TAF3: variants seen among roughly 807,000 people sequenced by gnomAD.
The protein encoded by TAF3 is TATA-box binding protein associated factor 3.
In TAF3, 7 loss-of-function variants were observed where a neutral mutation model predicts 80.6. That is an observed-to-expected ratio of 0.09 (90% CI 0.05 to 0.16). The LOEUF (loss-of-function observed/expected upper bound fraction) is 0.16, where lower values mean the gene tolerates loss of function less well. Among genes scored for constraint, TAF3 ranks in the 10% least tolerant of loss-of-function variants. The pLI is 1.00. For missense variants in TAF3, 921 were observed against 1,140.2 expected (o/e 0.81, Z 2.77); for synonymous variants, 444 against 446.1 (o/e 1.00, Z 0.06).
Position 8,013,720 on chromosome 10 carries a change from G to T in TAF3, c.2569-11G>T. ...CCTCCATTTTTGCCGCTTCCGCTTTGCAAACATCAGATCCGAGATGAGTGG... is the reference window on the plus strand; with the variant it reads ...CCTCCATTTTTGCCGCTTCCGCTTTTCAAACATCAGATCCGAGATGAGTGG... On this transcript the variant is annotated splice_polypyrimidine_tract_variant and intron_variant, in intron 5 of 6. Coordinates refer to ENST00000344293, the MANE Select transcript of TAF3 (RefSeq NM_031923.4). 2 of 1,610,188 alleles carry T rather than the reference G, an allele frequency of 1.2e-6. No homozygotes were observed. Among genetic ancestry groups the T allele is most frequent in the Admixed American group, 1.7e-5 (1 of 59,704 alleles).
intron 2 of TAF3, among the ~76,000 whole-genome samples, chr10:7,917,633 G>T (rs1444801414): frequency 3.9e-5 from 6 of 152,246 alleles, no homozygotes; most frequent in Admixed American, 2.0e-4. Context: ...GCTCTCTGGA[G>T]AATAGGTCGG....
At chr10:7,893,301 T>A (rs1837475365) in intron 2 of TAF3, among the ~76,000 whole-genome samples, 1 of 152,242 alleles carries the variant, frequency 6.6e-6, no homozygotes, top group Non-Finnish European at 1.5e-5. Context: ...TTACTAATGA[T>A]GAATTAGTAC....
chr10:7,818,916 T>C (rs1386615838), intron 1 of TAF3, 41 bp downstream of exon 1: 1 of 1,365,468 alleles, frequency 7.3e-7, no homozygotes, highest in Non-Finnish European at 9.4e-7. Context: ...CCCCGGCAAG[T>C]CAAGGGTGAC....
chr10:7,871,730 C>T (rs1452931051), intron 2 of TAF3, among the ~76,000 whole-genome samples: 1 of 152,084 alleles, frequency 6.6e-6, no homozygotes, highest in Non-Finnish European at 1.5e-5. Context: ...AGGCGGGAGC[C>T]ACCGCGCCAG....
At chr10:8,007,922 G>GC (rs1832012508) in intron 4 of TAF3, among the ~76,000 whole-genome samples, 2 of 151,750 alleles carry the variant, frequency 1.3e-5, no homozygotes, top group African/African-American at 4.8e-5. Flanking sequence ...AGATGTCCTG[G>GC]CCCCAAGTCC....
intron 2 of TAF3, among the ~76,000 whole-genome samples, chr10:7,854,328 C>G (rs372324720): frequency 7.9e-5 from 12 of 152,226 alleles, no homozygotes; most frequent in East Asian, 7.7e-4. Flanking sequence ...AGCCCCCAAA[C>G]TGCCTACGTA....
chr10:7,826,228 C>T (rs1326071342), intron 2 of TAF3, among the ~76,000 whole-genome samples: 1 of 152,150 alleles, frequency 6.6e-6, no homozygotes, highest in Non-Finnish European at 1.5e-5. Context: ...ATGATACTAA[C>T]ACACCGACAG....
chr10:7,884,392 C>CTTTTTTTTTTTTTTTTTT lies in TAF3; in HGVS notation c.409+59843_409+59844insTTTTTTTTTTTTTTTTTT, dbSNP rs61498355. On this transcript the variant is annotated intron_variant, in intron 2 of 6. Transcript: ENST00000344293. ...CCGTTTCTCCAAAGAGCTCTGCCTC[C>CTTTTTTTTTTTTTTTTTT]TTTTTTTTTTTGAGATGGAGTTTTG... 4.1e-5 allele frequency among the ~76,000 whole-genome samples: 5 copies of CTTTTTTTTTTTTTTTTTT among 120,508 alleles called. 1 individual carries two copies. Among genetic ancestry groups the CTTTTTTTTTTTTTTTTTT allele is most frequent in the Non-Finnish European group, 5.2e-5 (3 of 57,490 alleles). The allele number at this position is 120,508 out of a possible 152,430, so 79.1% of individuals were successfully genotyped here. A position where few individuals can be genotyped will look rare whatever the true frequency, so the allele number is the denominator to read the frequency against.
intron 3 of TAF3, 126 bp from the exon 4 acceptor site, chr10:7,977,115 A>G: frequency 1.2e-6 from 1 of 804,828 alleles, no homozygotes; most frequent in Non-Finnish European, 2.0e-6. Flanking sequence ...CTTTCTGTCT[A>G]AATTTTAGCC....
chr10:7,958,627 G>A (rs1199560792), intron 2 of TAF3, among the ~76,000 whole-genome samples: 1 of 152,198 alleles, frequency 6.6e-6, no homozygotes, highest in Non-Finnish European at 1.5e-5. Flanking sequence ...GGGTAGGAGT[G>A]GAGAAAGCAG....
At chr10:7,984,782 T>G (rs943418094) in intron 4 of TAF3, among the ~76,000 whole-genome samples, 1 of 152,206 alleles carries the variant, frequency 6.6e-6, no homozygotes, top group African/African-American at 2.4e-5. Context: ...CTTCCAGAAT[T>G]TAAATGTTCC....
chr10:8,016,073 G>C lies in TAF3; in HGVS notation c.*1322G>C, dbSNP rs904915989. 1.3e-5 allele frequency: 2 copies of C among 151,898 alleles called. No individual in the cohort carries two copies. Among genetic ancestry groups the C allele is most frequent in the Non-Finnish European group, 2.9e-5 (2 of 68,010 alleles). The allele number at this position is 151,898 out of a possible 1,614,324, so 9.4% of individuals were successfully genotyped here. On this transcript the variant is annotated 3_prime_UTR_variant, in exon 7 of 7. Coordinates refer to ENST00000344293, the MANE Select transcript of TAF3 (RefSeq NM_031923.4). Reference sequence around the variant, plus strand: ...TATTATATGTTATAGATGTCTGAGAGGTAAACCAAATATTTTATTTTTAAT... The same window carrying C: ...TATTATATGTTATAGATGTCTGAGACGTAAACCAAATATTTTATTTTTAAT...
At chr10:7,820,308 C>T (rs777814741) in intron 1 of TAF3, among the ~76,000 whole-genome samples, 1 of 152,150 alleles carries the variant, frequency 6.6e-6, no homozygotes, top group Non-Finnish European at 1.5e-5. Flanking sequence ...TTTCCCCTCT[C>T]CAGGAGAAAA....
intron 2 of TAF3, among the ~76,000 whole-genome samples, chr10:7,843,782 A>C (rs781623968): frequency 6.6e-6 from 1 of 151,998 alleles, no homozygotes; most frequent in Non-Finnish European, 1.5e-5. Context: ...ACTTGGTTTA[A>C]ATTTATAATT....
chr10:7,846,939 A>G (rs1836978347), intron 2 of TAF3, among the ~76,000 whole-genome samples: 1 of 152,198 alleles, frequency 6.6e-6, no homozygotes, highest in Non-Finnish European at 1.5e-5. Flanking sequence ...AGAACATTAT[A>G]TTTCAAGAAT....
intron 2 of TAF3, among the ~76,000 whole-genome samples, chr10:7,878,967 A>G (rs904772648): frequency 3.9e-5 from 6 of 152,094 alleles, no homozygotes; most frequent in Admixed American, 3.9e-4. Flanking sequence ...ACCTCAAGCA[A>G]TCCGCTCACC....
intron 3 of TAF3, among the ~76,000 whole-genome samples, chr10:7,970,647 C>G (rs892089545): frequency 6.6e-6 from 1 of 152,134 alleles, no homozygotes; most frequent in African/African-American, 2.4e-5. Flanking sequence ...TTAGAGAGCA[C>G]CTGTTTAACC....
chr10:7,834,795 A>G (rs1379131144), intron 2 of TAF3, among the ~76,000 whole-genome samples: 1 of 152,182 alleles, frequency 6.6e-6, no homozygotes, highest in Non-Finnish European at 1.5e-5. Context: ...ATCATTCATG[A>G]TTACTGAAAC....
chr10:7,947,658 G>A (rs1838039094), intron 2 of TAF3, among the ~76,000 whole-genome samples: 1 of 152,226 alleles, frequency 6.6e-6, no homozygotes, highest in Non-Finnish European at 1.5e-5. Flanking sequence ...AGCTTGGTGA[G>A]TTTGAGAAGC....
Sources: gnomAD v4.1 joint callset for allele counts (sites outside exome capture counted in the v4.1 genomes callset) on GRCh38, gnomAD v4.1.1 for gene constraint, MANE v1.5 for transcripts, NCBI Gene and HGNC (gene_info 2026-07-23, HGNC 2026-07-21) for gene names.